BIN3: variants seen among roughly 807,000 people sequenced by gnomAD.
BIN3 encodes the protein bridging integrator 3.
In BIN3, 41 loss-of-function variants were observed where a neutral mutation model predicts 38.2. The ratio of observed to expected loss-of-function variants is 1.07; its 90% confidence interval spans 0.84 to 1.39. BIN3 has a LOEUF of 1.39. Among genes scored for constraint, BIN3 ranks in the 40% most tolerant of loss-of-function variants. BIN3 has a pLI of 0.00. For missense variants in BIN3, 361 were observed against 324.3 expected (o/e 1.11, Z -0.87); for synonymous variants, 145 against 122.6 (o/e 1.18, Z -1.21).
intron 1 of BIN3, among the ~76,000 whole-genome samples, chr8:22,648,934 T>A (rs1029500004): frequency 6.7e-6 from 1 of 150,118 alleles, no homozygotes; most frequent in Non-Finnish European, 1.5e-5. Context: ...TATGTATGTA[T>A]GTATGTAAGT....
chr8:22,664,676 G>A (rs112184259), intron 1 of BIN3, among the ~76,000 whole-genome samples: 4 of 152,410 alleles, frequency 2.6e-5, no homozygotes, highest in African/African-American at 9.6e-5. Flanking sequence ...CATGGGGACA[G>A]AATACTCAGG....
In BIN3 at chr8:22,620,680, C is replaced by T. The variant is rs914196029; in HGVS notation, c.*742G>A. On this transcript the variant is annotated 3_prime_UTR_variant, in exon 9 of 9. Coordinates refer to ENST00000276416, the MANE Select transcript of BIN3 (RefSeq NM_018688.6). ...CAGCAGGCCCAGGAAGGGGTTTCCT[C>T]TGCTCGCCTAAGTTACAGCACAATA... is the stretch of plus-strand genomic sequence containing the variant. 6.6e-6 allele frequency: 1 copy of T among 152,216 alleles called. No homozygotes were observed. The highest frequency in any genetic ancestry group is 2.4e-5 in the African/African-American group (1 of 41,456). 9.4% of individuals were successfully genotyped at this position (152,216 alleles called of 1,614,324 possible).
At chr8:22,636,403 A>T in intron 4 of BIN3, 122 bp downstream of exon 4, 1 of 1,022,766 alleles carries the variant, frequency 9.8e-7, no homozygotes, top group Non-Finnish European at 1.5e-6. Context: ...GCTGCTTCTC[A>T]GGACACTGGG....
Position 22,621,542 on chromosome 8 carries a change from C to G in BIN3, c.642G>C (p.Lys214Asn). ...AQVVYYSEMH[K>N]IFGDLSHQLD... ...GCTGATGGGACAGGTCTCCAAAGATCTTGTGCATTTCCGAGTAGTACACAA... is the reference window on the plus strand; with the variant it reads ...GCTGATGGGACAGGTCTCCAAAGATGTTGTGCATTTCCGAGTAGTACACAA... The change falls in exon 9 of 9, where the codon AAG becomes AAC. Residue 214 changes from lysine (K) to asparagine (N), a missense_variant. Coordinates refer to ENST00000276416, the MANE Select transcript of BIN3 (RefSeq NM_018688.6). The G allele has an allele frequency of 6.2e-7, 1 of 1,613,838 alleles. No individual in the cohort carries two copies. The highest frequency in any genetic ancestry group is 1.7e-5 in the Admixed American group (1 of 60,026).
chr8:22,627,910 G>C (rs904808200), intron 6 of BIN3, among the ~76,000 whole-genome samples: 3 of 152,260 alleles, frequency 2.0e-5, no homozygotes, highest in Non-Finnish European at 4.4e-5. Context: ...GTAAGCTCCT[G>C]AAGTCTGTTT....
At chr8:22,625,309 C>G in intron 6 of BIN3, 1 of 702,354 alleles carries the variant, frequency 1.4e-6, no homozygotes, top group Non-Finnish European at 2.6e-6. Flanking sequence ...GTCTACCAGG[C>G]AAGCCAGAGC....
chr8:22,643,128 C>T (rs1802614513), intron 2 of BIN3, among the ~76,000 whole-genome samples: 1 of 152,206 alleles, frequency 6.6e-6, no homozygotes, highest in South Asian at 2.1e-4. Context: ...AACCACTTCC[C>T]TTTCAGATCT....
chr8:22,662,619 G>A (rs191771209), intron 1 of BIN3, among the ~76,000 whole-genome samples: 115 of 152,288 alleles, frequency 7.6e-4, no homozygotes, highest in Admixed American at 7.5e-3. Context: ...GGAGTCAAAG[G>A]TGTTAGCTTA....
At chr8:22,648,892 AACGTATGT>A (rs1476745273) in intron 1 of BIN3, among the ~76,000 whole-genome samples, 3 of 108,212 alleles carry the variant, frequency 2.8e-5, no homozygotes, top group Non-Finnish European at 5.7e-5. Context: ...TATCCACATC[AACGTATGT>A]ATGTATGTAT....
At chr8:22,625,915 G>GTTTTTTTTTTTTTTTTTTTTT (rs1801991592) in intron 6 of BIN3, 1 of 122,576 alleles carries the variant, frequency 8.2e-6, no homozygotes. Flanking sequence ...AGCAAATCAA[G>GTTTTTTTTTTTTTTTTTTTTT]TGTACATTTG....
chr8:22,635,705 G>A (rs1437721640), intron 4 of BIN3, among the ~76,000 whole-genome samples: 1 of 152,348 alleles, frequency 6.6e-6, no homozygotes, highest in East Asian at 1.9e-4. Context: ...GTAGAGCTAA[G>A]TCAGCTGTCC....
At chr8:22,653,899 G>A (rs939107303) in intron 1 of BIN3, among the ~76,000 whole-genome samples, 3 of 146,806 alleles carry the variant, frequency 2.0e-5, no homozygotes, top group Admixed American at 2.0e-4. Flanking sequence ...TGGGGGTTGG[G>A]GTGTAGGACT....
chr8:22,629,317 A>AG (rs1802104459), intron 6 of BIN3, among the ~76,000 whole-genome samples: 1 of 152,072 alleles, frequency 6.6e-6, no homozygotes, highest in Non-Finnish European at 1.5e-5. Flanking sequence ...GAGAGAGGCC[A>AG]GGGAAGATGA....
intron 1 of BIN3, among the ~76,000 whole-genome samples, chr8:22,658,475 G>A (rs1803130119): frequency 6.6e-6 from 1 of 152,212 alleles, no homozygotes; most frequent in Non-Finnish European, 1.5e-5. Context: ...CTGCTCTTGT[G>A]TAATGTCTAT....
chr8:22,625,630 C>A lies in BIN3; in HGVS notation c.339-1267G>T, dbSNP rs569400494. On this transcript the variant is annotated intron_variant, in intron 6 of 8. Transcript: ENST00000276416. Reference sequence around the variant, plus strand: ...TGAGACAGAGTCTTGCTCTCTCACCCAGGCTGGAGTACAGTGGTATGATCT... The same window carrying A: ...TGAGACAGAGTCTTGCTCTCTCACCAAGGCTGGAGTACAGTGGTATGATCT... The A allele has an allele frequency of 4.2e-4, 236 of 555,994 alleles. 1 individual carries two copies. The East Asian group carries it at 7.2e-3, about 17-fold the overall frequency. The allele number at this position is 555,994 out of a possible 1,614,324, so 34.4% of individuals were successfully genotyped here.
chr8:22,625,510 T>A (rs2117502124), intron 6 of BIN3: 1 of 673,726 alleles, frequency 1.5e-6, no homozygotes, highest in Non-Finnish European at 2.7e-6. Flanking sequence ...GAGAGGATGC[T>A]GGCAGACTCA....
chr8:22,640,310 G>T (rs565162040), intron 2 of BIN3, among the ~76,000 whole-genome samples: 17 of 151,856 alleles, frequency 1.1e-4, no homozygotes, highest in African/African-American at 4.1e-4. Flanking sequence ...CCCACGTACA[G>T]CTGGGACTAC....
At chr8:22,637,114 C>A (rs1471086179) in intron 2 of BIN3, among the ~76,000 whole-genome samples, 152 bp from the exon 3 acceptor site, 1 of 152,234 alleles carries the variant, frequency 6.6e-6, no homozygotes, top group Non-Finnish European at 1.5e-5. Flanking sequence ...GCTCCTGACA[C>A]GGTATTTCTG....
At chr8:22,642,496 A>C (rs1386580786) in intron 2 of BIN3, among the ~76,000 whole-genome samples, 1 of 152,174 alleles carries the variant, frequency 6.6e-6, no homozygotes, top group Non-Finnish European at 1.5e-5. Context: ...GGCCCAGCCG[A>C]CTTTTGTTGC....
Sources: allele counts gnomAD v4.1 joint callset (sites outside exome capture counted in the v4.1 genomes callset), GRCh38; gene constraint gnomAD v4.1.1; transcripts MANE v1.5; gene names NCBI Gene and HGNC (gene_info 2026-07-23, HGNC 2026-07-21).